CYB561A3: variants seen among roughly 807,000 people sequenced by gnomAD.
CYB561A3 encodes lysosomal membrane ascorbate-dependent ferrireductase CYB561A3.
In CYB561A3, 16 loss-of-function variants were observed where a neutral mutation model predicts 25.3. The ratio of observed to expected loss-of-function variants is 0.63; its 90% confidence interval spans 0.43 to 0.96. CYB561A3 has a LOEUF of 0.96. Ranked by LOEUF, CYB561A3 falls within the 40% of genes least tolerant of loss-of-function variation. The probability of loss-of-function intolerance (pLI) is 0.00; values close to 1 mark genes in which losing one functional copy is unlikely to be tolerated. For synonymous variants in CYB561A3, 131 were observed against 129.9 expected (o/e 1.01, Z -0.06); for missense variants, 219 against 307.5 (o/e 0.71, Z 2.15).
At chr11:61,350,828 G>T in intron 6 of CYB561A3, 163 bp downstream of exon 6, 2 of 995,652 alleles carry the variant, frequency 2.0e-6, no homozygotes, top group Non-Finnish European at 2.8e-6. Context: ...CGCTGGTTTG[G>T]GACCAGTGCT....
Position 61,356,535 on chromosome 11 carries a change from C to T in CYB561A3, c.179G>A (p.Gly60Glu). 1 of 1,613,896 alleles carries T rather than the reference C, an allele frequency of 6.2e-7. No homozygotes were observed. ...LMVAGMVVFY[G>E]GASLVYRLPQ... ...CTTCCTGACCTCTTACTCACCACCT[C>T]CATAGAATACCACCATGCCAGCAAC... is the stretch of plus-strand genomic sequence containing the variant. The change falls in exon 3 of 7, where the codon GGA (glycine) becomes GAA (glutamate). Residue 60 changes from glycine to glutamate, a missense_variant. By Grantham distance (98) the Gly-to-Glu change is moderately conservative. Coordinates refer to ENST00000294072, the MANE Select transcript of CYB561A3 (RefSeq NM_153611.6).
intron 3 of CYB561A3, chr11:61,354,711 T>A (rs1216440718): frequency 6.6e-6 from 1 of 152,170 alleles, no homozygotes; most frequent in Admixed American, 6.6e-5. Flanking sequence ...AAATTCAGCT[T>A]GTTTGCAGTT....
At chr11:61,357,038 C>T (rs1857677070) in intron 2 of CYB561A3, 1 of 1,448,070 alleles carries the variant, frequency 6.9e-7, no homozygotes, top group African/African-American at 1.4e-5. Flanking sequence ...TGGGATTCCT[C>T]TCCCCTCACA....
intron 2 of CYB561A3, chr11:61,356,984 G>T: frequency 6.8e-7 from 1 of 1,466,256 alleles, no homozygotes; most frequent in Non-Finnish European, 9.0e-7. Context: ...GGCTATGGCT[G>T]GCCCTGGCGA....
Position 61,350,982 on chromosome 11 carries a change from A to G in CYB561A3, c.705+9T>C. On this transcript the variant is annotated intron_variant, in intron 6 of 6. Transcript: ENST00000294072. ...GTCCCACCCTGGAATGTGGGACTGG[A>G]ACCCATACCTGTCTGTCGGTCAGGA... is the stretch of plus-strand genomic sequence containing the variant. The G allele has an allele frequency of 6.2e-7, 1 of 1,610,710 alleles. No individual in the cohort carries two copies. Among genetic ancestry groups the G allele is most frequent in the South Asian group, 1.1e-5 (1 of 90,698 alleles).
Position 61,356,678 on chromosome 11 carries a change from C to T in CYB561A3, c.36G>A (p.Leu12=), listed in dbSNP as rs201907044. 9.3e-6 allele frequency: 15 copies of T among 1,614,208 alleles called. No individual in the cohort carries two copies. In the African/African-American group the frequency reaches 1.5e-4, roughly 16 times the overall value. The change falls in exon 3 of 7, where the codon CTG becomes CTA. Residue 12 remains leucine, a synonymous_variant. Transcript: ENST00000294072. ...VSGRFYLSCL[L]LGSLGSMCIL... is the part of the protein sequence containing the mutation. ...TGCACATAGAGCCCAGGGACCCCAG[C>T]AGCAGGCAGGACAAGTAGAACCGTC... is the stretch of plus-strand genomic sequence containing the variant.
chr11:61,360,107 T>C (rs1281566491), intron 1 of CYB561A3: 2 of 150,052 alleles, frequency 1.3e-5, no homozygotes, highest in Admixed American at 1.3e-4. Flanking sequence ...CTGGGCGTGA[T>C]GGCATCCACC....
chr11:61,355,554 A>C (rs1857617123), intron 3 of CYB561A3, among the ~76,000 whole-genome samples: 1 of 151,956 alleles, frequency 6.6e-6, no homozygotes, highest in Non-Finnish European at 1.5e-5. Flanking sequence ...GATGGCGGGC[A>C]CCTATAATCT....
intron 5 of CYB561A3, chr11:61,351,815 A>G (rs1210982610): frequency 6.6e-6 from 1 of 152,224 alleles, no homozygotes; most frequent in Non-Finnish European, 1.5e-5. Context: ...TTAGGAGGCT[A>G]CATTGGGAAG....
chr11:61,351,158 CA>C lies in CYB561A3; in HGVS notation c.549-12del, dbSNP rs780988629. 6.2e-7 allele frequency: 1 copy of C among 1,605,114 alleles called. No homozygotes were observed. Among genetic ancestry groups the C allele is most frequent in the Non-Finnish European group, 8.5e-7 (1 of 1,175,474 alleles). ...CTGGTGGTGTTTTTCCTGAAGATGA[CA>C]AAACAATGTGAGCCCTCGAGAGATT... On this transcript the variant is annotated splice_polypyrimidine_tract_variant and intron_variant, in intron 5 of 6. Transcript: ENST00000294072.
rs761621581 is a variant in CYB561A3, at chr11:61,353,977, C to T, written c.200G>A (p.Arg67His). The change falls in exon 4 of 7, where the codon CGC (arginine) becomes CAC (histidine). Residue 67 changes from arginine to histidine, a missense_variant. Coordinates refer to ENST00000294072, the MANE Select transcript of CYB561A3 (RefSeq NM_153611.6). ...GGGCCCCACCCACGACTGGGGCAGG[C>T]GGTACACCAGTGACGCTGCAGGAGA... ...VFYGGASLVY[R>H]LPQSWVGPKL... 7.4e-6 allele frequency: 12 copies of T among 1,613,968 alleles called. No homozygotes were observed. Among genetic ancestry groups the T allele is most frequent in the South Asian group, 3.3e-5 (3 of 91,076 alleles).
In CYB561A3 at chr11:61,353,022, C is replaced by A. The variant is rs761211994; in HGVS notation, c.511G>T (p.Val171Phe). 3 of 1,614,124 alleles carry A rather than the reference C, an allele frequency of 1.9e-6. No homozygotes were observed. Among genetic ancestry groups the A allele is most frequent in the Non-Finnish European group, 2.5e-6 (3 of 1,180,020 alleles). Residue 171 changes from valine to phenylalanine, a missense_variant, in exon 5 of 7, where the codon GTC becomes TTC. Physicochemically the swap from Val to Phe is conservative, Grantham distance 50 (BLOSUM62 -1). Transcript: ENST00000294072. ...AAILSLSIAS[V>F]ISGINEKLFF... Reference sequence around the variant, plus strand: ...AGCTTCTCATTAATGCCCGAAATGACGGATGCGATGGACAGAGAGAGGATG... The same window carrying A: ...AGCTTCTCATTAATGCCCGAAATGAAGGATGCGATGGACAGAGAGAGGATG...
At chr11:61,360,933 G>C (rs761077148) in intron 1 of CYB561A3, 1 of 151,598 alleles carries the variant, frequency 6.6e-6, no homozygotes, top group Non-Finnish European at 1.5e-5. Context: ...AGCCGAGATC[G>C]TGCCACTGCA....
intron 3 of CYB561A3, chr11:61,356,198 GTA>G (rs1477574176): frequency 3.8e-6 from 1 of 266,522 alleles, no homozygotes; most frequent in African/African-American, 2.2e-5. Flanking sequence ...ACACTTGTGT[GTA>G]TGTGTTGTCT....
At chr11:61,359,223 CA>C (rs1017596016) in intron 1 of CYB561A3, 3,516 of 59,046 alleles carry the variant, frequency 0.06, 84 homozygotes, top group African/African-American at 0.15. Flanking sequence ...GACTCTGTCT[CA>C]AAAAAAAAAA....
chr11:61,350,534 C>G (rs1280971452), intron 6 of CYB561A3, 112 bp from the exon 7 acceptor site: 1 of 1,385,520 alleles, frequency 7.2e-7, no homozygotes, highest in Non-Finnish European at 1.0e-6. Flanking sequence ...TCCAAGCCAC[C>G]AAATCCCTCA....
intron 4 of CYB561A3, 94 bp downstream of exon 4, chr11:61,353,690 G>T (rs1857524491): frequency 7.7e-7 from 1 of 1,306,648 alleles, no homozygotes; most frequent in Non-Finnish European, 1.1e-6. Flanking sequence ...TCTCCAAGCA[G>T]TGAGCAGAGG....
chr11:61,350,485 G>C, intron 6 of CYB561A3, 63 bp from the exon 7 acceptor site: 1 of 1,592,614 alleles, frequency 6.3e-7, no homozygotes. Context: ...CCAGGCCCAA[G>C]CTGTTCAGAC....
At chr11:61,356,189 C>G (rs1857647663) in intron 3 of CYB561A3, 1 of 239,530 alleles carries the variant, frequency 4.2e-6, no homozygotes, top group Non-Finnish European at 8.1e-6. Flanking sequence ...ACGTGATCCA[C>G]ACTTGTGTGT....
Sources: gnomAD v4.1 joint callset for allele counts (sites outside exome capture counted in the v4.1 genomes callset) on GRCh38, gnomAD v4.1.1 for gene constraint, MANE v1.5 for transcripts, NCBI Gene and HGNC (gene_info 2026-07-23, HGNC 2026-07-21) for gene names.